Variants in REV3L observed in about 807,000 individuals in gnomAD.
The protein encoded by REV3L is REV3 like, DNA directed polymerase zeta catalytic subunit.
REV3L carries 69 observed loss-of-function variants against 299.4 expected under a neutral mutation model. The observed-to-expected ratio is 0.23, with a 90% confidence interval of 0.19 to 0.28. The LOEUF is 0.28. Among genes scored for constraint, REV3L ranks in the 10% least tolerant of loss-of-function variants. The pLI, the probability that REV3L is intolerant of heterozygous loss-of-function variation, is 1.00. For synonymous variants in REV3L, 1,238 were observed against 1,271.4 expected (o/e 0.97, Z 0.56); for missense variants, 3,128 against 3,693.8 (o/e 0.85, Z 3.97).
chr6:111,391,756 C>T (rs1274049262), intron 5 of REV3L, among the ~76,000 whole-genome samples: 1 of 152,186 alleles, frequency 6.6e-6, no homozygotes, highest in African/African-American at 2.4e-5. Context: ...ATTAGCCAGG[C>T]ATGGTGCTGC....
intron 1 of REV3L, among the ~76,000 whole-genome samples, chr6:111,451,537 AG>A (rs1193721183): frequency 5.3e-5 from 8 of 152,140 alleles, no homozygotes; most frequent in African/African-American, 1.9e-4. Flanking sequence ...TATAACCAGG[AG>A]GTCAGAAATT....
chr6:111,329,852 C>A (rs952031501), intron 24 of REV3L, 114 bp from the exon 25 acceptor site: 7 of 756,262 alleles, frequency 9.3e-6, no homozygotes, highest in Admixed American at 2.3e-5. Context: ...AACATGCTAA[C>A]AACAGAGTGA....
At chr6:111,419,061 A>G (rs1205973918) in intron 1 of REV3L, among the ~76,000 whole-genome samples, 1 of 152,222 alleles carries the variant, frequency 6.6e-6, no homozygotes, top group Non-Finnish European at 1.5e-5. Flanking sequence ...GTTGAGAAGG[A>G]TCCCCAACAT....
chr6:111,442,986 T>C (rs1402394456), intron 1 of REV3L, among the ~76,000 whole-genome samples: 3 of 89,702 alleles, frequency 3.3e-5, no homozygotes, highest in African/African-American at 7.7e-5. Flanking sequence ...GGCGGCTATG[T>C]TGTATTATAA....
At chr6:111,463,732 C>T (rs1462406109) in intron 1 of REV3L, among the ~76,000 whole-genome samples, 1 of 152,048 alleles carries the variant, frequency 6.6e-6, no homozygotes, top group East Asian at 1.9e-4. Flanking sequence ...TTTATTATAA[C>T]AATGAGAAAA....
In REV3L at chr6:111,375,675, A is replaced by G. The variant is rs1780230236; in HGVS notation, c.2680T>C (p.Phe894Leu). The G allele has an allele frequency of 1.2e-6, 2 of 1,614,024 alleles. No homozygotes were observed. Among genetic ancestry groups the G allele is most frequent in the Non-Finnish European group, 1.7e-6 (2 of 1,179,924 alleles). Residue 894 changes from phenylalanine to leucine, a missense_variant, in exon 13 of 32, where the codon TTT (phenylalanine) becomes CTT (leucine). Transcript: ENST00000368802. Reference protein sequence around the residue: ...AFENKTPTDGFIDCHFGDGTL... With the variant: ...AFENKTPTDGLIDCHFGDGTL... Reference sequence around the variant, plus strand: ...CCATCTCCAAAGTGACAGTCTATAAAACCATCTGTGGGTGTTTTATTTTCA... The same window carrying G: ...CCATCTCCAAAGTGACAGTCTATAAGACCATCTGTGGGTGTTTTATTTTCA...
intron 1 of REV3L, among the ~76,000 whole-genome samples, chr6:111,463,532 G>C (rs1791048809): frequency 6.6e-6 from 1 of 152,154 alleles, no homozygotes; most frequent in African/African-American, 2.4e-5. Flanking sequence ...TAATTACTGA[G>C]ATGCACAAGG....
At chr6:111,331,026 A>ACTGT (rs1775324442) in intron 24 of REV3L, 1 of 984,966 alleles carries the variant, frequency 1.0e-6, no homozygotes, top group South Asian at 4.7e-5. Context: ...CAACCACTCT[A>ACTGT]CTGTCTCATG....
intron 4 of REV3L, among the ~76,000 whole-genome samples, chr6:111,401,976 C>T (rs1345574875): frequency 2.0e-5 from 3 of 151,666 alleles, no homozygotes; most frequent in Admixed American, 1.3e-4. Flanking sequence ...TAGCTAGGTG[C>T]GGTGGCATGC....
At chr6:111,382,078 T>C (rs1023111024) in intron 9 of REV3L, among the ~76,000 whole-genome samples, 2 of 152,244 alleles carry the variant, frequency 1.3e-5, no homozygotes, top group Non-Finnish European at 2.9e-5. Context: ...AAAATTCATT[T>C]TACATTAATA....
chr6:111,463,320 G>C (rs1337323722), intron 1 of REV3L, among the ~76,000 whole-genome samples: 2 of 152,170 alleles, frequency 1.3e-5, no homozygotes, highest in African/African-American at 4.8e-5. Flanking sequence ...AGGAAGTTAA[G>C]CCAAGGCCAA....
At chr6:111,321,767 G>A (rs1337380701) in intron 26 of REV3L, among the ~76,000 whole-genome samples, 2 of 152,178 alleles carry the variant, frequency 1.3e-5, no homozygotes, top group African/African-American at 4.8e-5. Context: ...CTATTGCTCT[G>A]TTGGACTGTA....
intron 25 of REV3L, 21 bp downstream of exon 25, chr6:111,329,511 C>T: frequency 6.2e-7 from 1 of 1,610,602 alleles, no homozygotes; most frequent in South Asian, 1.1e-5. Flanking sequence ...TTTGAAAAAA[C>T]TACAGATTTG....
At chr6:111,412,422 T>A (rs149969674) in intron 2 of REV3L, 2,518 of 188,412 alleles carry the variant, frequency 0.013, 49 homozygotes, top group Admixed American at 0.059. Flanking sequence ...ACCTCTGATA[T>A]ACAGAACACT....
At position 111,482,336 on chromosome 6, in the gene REV3L, C is replaced by T. The variant is rs1793827454; in HGVS notation, c.139+414G>A. Among the ~76,000 whole-genome samples, 3 of 152,222 alleles carry T rather than the reference C, an allele frequency of 2.0e-5. No individual in the cohort carries two copies. The East Asian group carries it at 5.8e-4, about 29-fold the overall frequency. On this transcript the variant is annotated intron_variant, in intron 1 of 31. Coordinates refer to ENST00000368802, the MANE Select transcript of REV3L (RefSeq NM_001372078.1). ...TCCAGAAAGCGGCACTTGGGGGACA[C>T]AAGGGATGTCCCACTAGCGACCGAC... is the stretch of plus-strand genomic sequence containing the variant.
Position 111,373,327 on chromosome 6 carries a change from C to T in REV3L, c.5028G>A (p.Lys1676=). 6.2e-7 allele frequency: 1 copy of T among 1,613,932 alleles called. No homozygotes were observed. Among genetic ancestry groups the T allele is most frequent in the Non-Finnish European group, 8.5e-7 (1 of 1,179,978 alleles). Residue 1676 remains lysine (K), a synonymous_variant, in exon 13 of 32, where the codon AAG becomes AAA. Coordinates refer to ENST00000368802, the MANE Select transcript of REV3L (RefSeq NM_001372078.1). ...GATCCTGAACAGCATCACTTAGGAA[C>T]TTCTGAGGCAAATTCTGATCAGCTG... ...FVPADQNLPQ[K]FLSDAVQDLF...
chr6:111,375,254 T>C lies in REV3L; in HGVS notation c.3101A>G (p.Lys1034Arg). The change falls in exon 13 of 32, where the codon AAA becomes AGA. Residue 1034 changes from lysine (K) to arginine (R), a missense_variant. Physicochemically the swap from Lys to Arg is conservative, Grantham distance 26 (BLOSUM62 2). Transcript: ENST00000368802. ...WPKVPDSPAT[K>R]YPIYPLTPKK... ...TGGTGTTAGTGGATAAATGGGATAT[T>C]TGGTTGCAGGGGAGTCGGGAACTTT... is the stretch of plus-strand genomic sequence containing the variant. 1 of 1,611,904 alleles carries C rather than the reference T, an allele frequency of 6.2e-7. No homozygotes were observed. The highest frequency in any genetic ancestry group is 1.1e-5 in the South Asian group (1 of 89,862).
rs1343907587 is a variant in REV3L at position 111,300,075 on chromosome 6, G to A, written c.9334C>T (p.Arg3112Ter). 6.2e-7 allele frequency: 1 copy of A among 1,613,660 alleles called. No individual in the cohort carries two copies. The highest frequency in any genetic ancestry group is 8.5e-7 in the Non-Finnish European group (1 of 1,179,740). ...GCCTTGGACAATTCTCTATTTACTC[G>A]GGAGAGTTTGAAAAGTACTGGGCAG... ...LNCPVLFKLSRVNRELSKAPY... is the reference protein window; with the variant it reads ...LNCPVLFKLS The change falls in exon 32 of 32, where the codon CGA becomes TGA. Residue 3112 changes from arginine to a stop codon, truncating the protein, a stop_gained. Coordinates refer to ENST00000368802, the MANE Select transcript of REV3L (RefSeq NM_001372078.1). LOFTEE classifies it high-confidence loss of function.
intron 4 of REV3L, among the ~76,000 whole-genome samples, chr6:111,403,928 AAGTGAAATAGCC>A (rs1783350619): frequency 6.6e-6 from 1 of 152,220 alleles, no homozygotes; most frequent in Non-Finnish European, 1.5e-5. Flanking sequence ...AACGATGAGA[AAGTGAAATAGCC>A]TTACTGCAGA....
Sources: gnomAD v4.1 joint callset for allele counts (sites outside exome capture counted in the v4.1 genomes callset) on GRCh38, gnomAD v4.1.1 for gene constraint, MANE v1.5 for transcripts, NCBI Gene and HGNC (gene_info 2026-07-23, HGNC 2026-07-21) for gene names.